COMMD1: variants seen among roughly 807,000 people sequenced by gnomAD.
COMMD1 encodes copper metabolism domain containing 1.
A neutral mutation model predicts 17.2 loss-of-function variants in COMMD1; 10 were observed. The observed-to-expected ratio is 0.58, with a 90% CI of 0.36 to 0.99. The LOEUF is 0.99. Ranked by LOEUF, COMMD1 falls within the 50% of genes least tolerant of loss-of-function variation. The pLI, the probability that COMMD1 is intolerant of heterozygous loss-of-function variation, is 0.01. For missense variants in COMMD1, 270 were observed against 231.8 expected (o/e 1.17, Z -1.07); for synonymous variants, 97 against 91.6 (o/e 1.06, Z -0.34).
chr2:61,963,353 T>G (rs940751696), intron 1 of COMMD1, among the ~76,000 whole-genome samples: 22 of 151,888 alleles, frequency 1.4e-4, no homozygotes, highest in Non-Finnish European at 4.4e-5. Context: ...ATAGCCAGTT[T>G]TTTGTTTTGT....
At chr2:62,041,348 ATG>A (rs1217568124) in intron 2 of COMMD1, among the ~76,000 whole-genome samples, 1 of 151,864 alleles carries the variant, frequency 6.6e-6, no homozygotes, top group African/African-American at 2.4e-5. Context: ...TGTAAAGTTG[ATG>A]TGTGTTTTCT....
At chr2:61,946,414 T>C (rs758708539) in intron 1 of COMMD1, among the ~76,000 whole-genome samples, 1 of 152,210 alleles carries the variant, frequency 6.6e-6, no homozygotes, top group South Asian at 2.1e-4. Flanking sequence ...CAGGTCACTT[T>C]TTTAAAAGAA....
intron 2 of COMMD1, among the ~76,000 whole-genome samples, chr2:62,098,162 CTTTTTTTTT>C (rs1212972398): frequency 1.6e-5 from 2 of 125,848 alleles, no homozygotes; most frequent in Non-Finnish European, 3.4e-5. Flanking sequence ...TCCTTTCTTT[CTTTTTTTTT>C]TTTTTTTTTG....
At chr2:62,011,009 G>T (rs1046092061) in intron 2 of COMMD1, among the ~76,000 whole-genome samples, 1 of 152,164 alleles carries the variant, frequency 6.6e-6, no homozygotes, top group Non-Finnish European at 1.5e-5. Context: ...CACTGGCCTT[G>T]TTGCTAATTT....
chr2:62,039,937 T>C (rs1219492316), intron 2 of COMMD1, among the ~76,000 whole-genome samples: 3 of 152,210 alleles, frequency 2.0e-5, no homozygotes, highest in Non-Finnish European at 4.4e-5. Context: ...ATCCCTTTGA[T>C]AATCATACCA....
At position 62,095,644 on chromosome 2, in the gene COMMD1, C is replaced by T. The variant is rs1276209235; in HGVS notation, c.463-40187C>T. On this transcript the variant is annotated intron_variant, in intron 2 of 2. Transcript: ENST00000311832. ...ATTTTTAGTTTTAAATGACAATAAT[C>T]GTATAAGTGCAACTGACTCAGAATC... Among the ~76,000 whole-genome samples, 6 of 149,906 alleles carry T rather than the reference C, an allele frequency of 4.0e-5. No homozygotes were observed. The South Asian group carries it at 6.3e-4, about 16-fold the overall frequency.
upstream of COMMD1, among the ~76,000 whole-genome samples, chr2:61,904,284 T>C (rs934303486): frequency 1.4e-4 from 21 of 152,236 alleles, no homozygotes; most frequent in Non-Finnish European, 5.9e-5. Flanking sequence ...GTGCTGGGAT[T>C]AGAGGCGTGA....
exon 1 of COMMD1, chr2:61,888,787 C>A: frequency 2.1e-6 from 1 of 486,116 alleles, no homozygotes; most frequent in Non-Finnish European, 3.6e-6. Flanking sequence ...GTGAAGAGCG[C>A]CGGGGGAACC....
At chr2:61,975,142 T>C (rs1463957700) in intron 1 of COMMD1, among the ~76,000 whole-genome samples, 3 of 104,112 alleles carry the variant, frequency 2.9e-5, no homozygotes, top group Non-Finnish European at 5.9e-5. Flanking sequence ...TTTTTTTTTG[T>C]ATTTTAATTA....
intron 2 of COMMD1, among the ~76,000 whole-genome samples, chr2:62,012,281 A>G (rs2103833572): frequency 6.7e-6 from 1 of 148,922 alleles, no homozygotes; most frequent in Non-Finnish European, 1.5e-5. Context: ...ACACACACAC[A>G]CACACACACA....
intron 2 of COMMD1, 59 bp from the exon 3 acceptor site, chr2:62,135,772 G>C (rs767233400): frequency 1.0e-5 from 9 of 862,438 alleles, no homozygotes; most frequent in Non-Finnish European, 1.6e-5. Context: ...GTTTGGTCAT[G>C]CCAGATGGCC....
chr2:62,017,350 A>G (rs1048116371), intron 2 of COMMD1, among the ~76,000 whole-genome samples: 1 of 152,160 alleles, frequency 6.6e-6, no homozygotes, highest in Non-Finnish European at 1.5e-5. Context: ...CTTAGTCTAA[A>G]GAAAACAGCC....
At chr2:61,900,246 G>A (rs1228468321) in intron 1 of COMMD1, among the ~76,000 whole-genome samples, 3 of 152,212 alleles carry the variant, frequency 2.0e-5, no homozygotes, top group African/African-American at 7.2e-5. Context: ...CACATGGAAG[G>A]TGTACATTGG....
At chr2:62,038,047 G>A (rs1573100493) in intron 2 of COMMD1, among the ~76,000 whole-genome samples, 1 of 152,176 alleles carries the variant, frequency 6.6e-6, no homozygotes, top group Non-Finnish European at 1.5e-5. Flanking sequence ...CCAGCACTTT[G>A]AGAGGCCGAG....
At chr2:62,026,282 G>C (rs1016418361) in intron 2 of COMMD1, among the ~76,000 whole-genome samples, 2 of 152,152 alleles carry the variant, frequency 1.3e-5, no homozygotes, top group Non-Finnish European at 2.9e-5. Context: ...GCTAGCATTT[G>C]CTTGGCTTCT....
At chr2:61,888,573 A>T (rs974641474), upstream of COMMD1, 5 of 1,569,162 alleles carry the variant, frequency 3.2e-6, no homozygotes, top group Non-Finnish European at 4.3e-6. Flanking sequence ...GGCCGGCCGC[A>T]GTGTAATAAC....
intron 2 of COMMD1, among the ~76,000 whole-genome samples, chr2:62,028,467 T>G (rs1304578292): frequency 6.6e-6 from 1 of 152,206 alleles, no homozygotes; most frequent in Non-Finnish European, 1.5e-5. Context: ...AGCAGTACTA[T>G]TTTCCTTCTA....
intron 2 of COMMD1, among the ~76,000 whole-genome samples, chr2:62,078,239 CAAAAAAAAAAAAAAA>C (rs56320690): frequency 1.5e-4 from 3 of 19,846 alleles, no homozygotes; most frequent in African/African-American, 4.9e-4. Flanking sequence ...CACACCAATG[CAAAAAAAAAAAAAAA>C]AAAAAAAAAA....
intron 1 of COMMD1, among the ~76,000 whole-genome samples, chr2:61,967,963 C>T (rs1573012013): frequency 6.6e-6 from 1 of 152,252 alleles, no homozygotes; most frequent in South Asian, 2.1e-4. Context: ...GAGTTCGAGA[C>T]CAGCCTGGCC....
Sources: allele counts gnomAD v4.1 joint callset (sites outside exome capture counted in the v4.1 genomes callset), GRCh38; gene constraint gnomAD v4.1.1; transcripts MANE v1.5; gene names NCBI Gene and HGNC (gene_info 2026-07-23, HGNC 2026-07-21).